The following MRPS28 variants were observed in gnomAD, a reference collection of about 807,000 sequenced individuals.
The protein encoded by MRPS28 is mitochondrial ribosomal protein S28, also known as small ribosomal subunit protein bS1m.
Under a neutral mutation model 10.8 loss-of-function variants are expected in MRPS28, and 7 were observed. The ratio of observed to expected loss-of-function variants is 0.65; its 90% CI spans 0.37 to 1.22. MRPS28 has a LOEUF of 1.22. Among genes scored for constraint, MRPS28 ranks in the 50% most tolerant of loss-of-function variants. The pLI, the probability that MRPS28 is intolerant of heterozygous loss-of-function variation, is 0.02. For missense variants in MRPS28, 265 were observed against 232.9 expected, an observed-to-expected ratio of 1.14 and a Z score of -0.90; for synonymous variants, 121 against 93.3, an observed-to-expected ratio of 1.30 and a Z score of -1.71.
intron 2 of MRPS28, among the ~76,000 whole-genome samples, chr8:79,924,021 C>T (rs1379629247): frequency 1.3e-5 from 2 of 152,286 alleles, no homozygotes; most frequent in East Asian, 1.9e-4. Context: ...ATCTCTCTGA[C>T]TAGTTCTTTG....
chr8:79,919,125 AC>A lies in MRPS28; in HGVS notation c.418del (p.Val140SerfsTer6). 5 of 1,589,908 alleles carry A rather than the reference AC, an allele frequency of 3.1e-6. No individual in the cohort carries two copies. The highest frequency in any genetic ancestry group is 3.4e-6 in the Non-Finnish European group (4 of 1,172,548). On this transcript the variant is annotated frameshift_variant, in exon 3 of 3. Transcript: ENST00000276585. LOFTEE classifies it high-confidence loss of function. ...DGEKYQKGTR[V>X]RLRLLDLELT... ...TTCAAGATCTAATAGCCGCAACCGG[AC>A]CCTGGTTCCTTTCTGGTATTTCCTA...
intron 2 of MRPS28, among the ~76,000 whole-genome samples, chr8:79,995,618 A>G (rs1277678241): frequency 6.6e-6 from 1 of 152,236 alleles, no homozygotes; most frequent in Admixed American, 6.5e-5. Context: ...GGGAGTCGAC[A>G]TAGGCAAAAC....
chr8:79,957,155 C>T (rs1807239100), intron 2 of MRPS28: 1 of 152,130 alleles, frequency 6.6e-6, no homozygotes, highest in African/African-American at 2.4e-5. Context: ...CCTCGTCTCC[C>T]TGCCACATTC....
intron 2 of MRPS28, among the ~76,000 whole-genome samples, chr8:79,990,564 T>C (rs1181846602): frequency 6.6e-6 from 1 of 152,090 alleles, no homozygotes; most frequent in African/African-American, 2.4e-5. Context: ...AAAGCAAATA[T>C]TTCACCACTC....
chr8:79,936,984 C>G (rs950744386), intron 2 of MRPS28, among the ~76,000 whole-genome samples: 11 of 152,142 alleles, frequency 7.2e-5, no homozygotes, highest in African/African-American at 2.7e-4. Context: ...CCTCAGCCTC[C>G]CAAGTAGCTG....
intron 2 of MRPS28, among the ~76,000 whole-genome samples, chr8:79,968,098 T>C (rs934215404): frequency 5.3e-5 from 8 of 152,276 alleles, no homozygotes; most frequent in Admixed American, 3.9e-4. Flanking sequence ...ACCTTTTCAA[T>C]TGGTTCCTTC....
At position 79,919,051 on chromosome 8, in the gene MRPS28, C is replaced by T; in HGVS notation, c.493G>A (p.Ala165Thr). ...GATTDTTVLE[A>T]NAVLLGIQES... ...TGGATTCCCAAGAGAACTGCATTAG[C>T]CTCTAGTACAGTTGTATCTGTTGTT... The change falls in exon 3 of 3, where the codon GCT (alanine) becomes ACT (threonine). Residue 165 changes from alanine to threonine, a missense_variant. Coordinates refer to ENST00000276585, the MANE Select transcript of MRPS28 (RefSeq NM_014018.3). 1 of 1,609,326 alleles carries T rather than the reference C, an allele frequency of 6.2e-7. No individual in the cohort carries two copies. The highest frequency in any genetic ancestry group is 8.5e-7 in the Non-Finnish European group (1 of 1,178,064).
intron 2 of MRPS28, among the ~76,000 whole-genome samples, chr8:79,959,897 CT>C (rs1807329883): frequency 6.6e-6 from 1 of 152,116 alleles, no homozygotes; most frequent in Admixed American, 6.6e-5. Flanking sequence ...CAACAATAAA[CT>C]ATGTACTTTC....
chr8:79,991,321 A>G (rs1808356412), intron 2 of MRPS28, among the ~76,000 whole-genome samples: 1 of 150,712 alleles, frequency 6.6e-6, no homozygotes, highest in Non-Finnish European at 1.5e-5. Flanking sequence ...CAGCTTAAAA[A>G]AAGAACTTTT....
intron 2 of MRPS28, among the ~76,000 whole-genome samples, chr8:79,955,699 T>C (rs116939588): frequency 0.019 from 2,954 of 152,296 alleles, 37 homozygotes; most frequent in Middle Eastern, 0.037. Flanking sequence ...TGTAGCACTA[T>C]GCAAGAAACT....
At chr8:79,979,372 C>T (rs1184911506) in intron 2 of MRPS28, among the ~76,000 whole-genome samples, 1 of 152,108 alleles carries the variant, frequency 6.6e-6, no homozygotes, top group Non-Finnish European at 1.5e-5. Flanking sequence ...AAGTTAAACA[C>T]TGATTTTCAG....
chr8:80,020,125 T>C (rs147073709), intron 1 of MRPS28, among the ~76,000 whole-genome samples: 1,668 of 152,322 alleles, frequency 0.011, 17 homozygotes, highest in Non-Finnish European at 0.017. Context: ...GATTTTCTGA[T>C]TGGCAATTGG....
intron 1 of MRPS28, among the ~76,000 whole-genome samples, chr8:80,004,689 A>C (rs536288943): frequency 6.6e-6 from 1 of 152,372 alleles, no homozygotes; most frequent in East Asian, 1.9e-4. Flanking sequence ...AACTTCTCTA[A>C]GCTAAAGAAG....
At chr8:79,946,907 T>G (rs1806934673) in intron 2 of MRPS28, among the ~76,000 whole-genome samples, 1 of 152,174 alleles carries the variant, frequency 6.6e-6, no homozygotes, top group Non-Finnish European at 1.5e-5. Context: ...ATCAGTAACT[T>G]CGTAGTCTTA....
chr8:79,954,067 T>C (rs1807143933), intron 2 of MRPS28, among the ~76,000 whole-genome samples: 1 of 152,138 alleles, frequency 6.6e-6, no homozygotes, highest in African/African-American at 2.4e-5. Context: ...CATTCATTCC[T>C]GGGTAGGAAT....
chr8:80,015,061 T>C (rs1355037456), intron 1 of MRPS28, among the ~76,000 whole-genome samples: 1 of 152,180 alleles, frequency 6.6e-6, no homozygotes, highest in East Asian at 1.9e-4. Flanking sequence ...AATTGGTGGA[T>C]GCTCAGTGGG....
intron 2 of MRPS28, among the ~76,000 whole-genome samples, chr8:79,923,826 T>C (rs1419249642): frequency 6.6e-6 from 1 of 152,198 alleles, no homozygotes; most frequent in African/African-American, 2.4e-5. Context: ...TATGCTGCAG[T>C]AAACGAGACT....
intron 2 of MRPS28, among the ~76,000 whole-genome samples, chr8:79,945,263 G>T (rs1052538567): frequency 6.6e-5 from 10 of 152,208 alleles, no homozygotes; most frequent in South Asian, 4.1e-4. Context: ...CAACCAAAGG[G>T]ATGCACCATA....
chr8:79,997,690 C>T (rs1401719794), intron 2 of MRPS28, among the ~76,000 whole-genome samples: 1 of 151,414 alleles, frequency 6.6e-6, no homozygotes, highest in Non-Finnish European at 1.5e-5. Context: ...GAACAAAAAC[C>T]CTTTCTGTAT....
Sources: allele counts gnomAD v4.1 joint callset (sites outside exome capture counted in the v4.1 genomes callset), GRCh38; gene constraint gnomAD v4.1.1; transcripts MANE v1.5; gene names NCBI Gene and HGNC (gene_info 2026-07-23, HGNC 2026-07-21).